Variants in TESK2 observed in about 807,000 individuals in gnomAD.
TESK2 encodes the protein dual specificity testis-specific protein kinase 2.
TESK2 carries 39 observed loss-of-function variants against 57.1 expected under a neutral mutation model. That is an observed-to-expected ratio of 0.68 (90% CI 0.53 to 0.89). The LOEUF (loss-of-function observed/expected upper bound fraction) is 0.89. Ranked by LOEUF, TESK2 falls within the 40% of genes least tolerant of loss-of-function variation. The pLI, the probability that TESK2 is intolerant of heterozygous loss-of-function variation, is 0.00. For synonymous variants in TESK2, 249 were observed against 267.9 expected, an observed-to-expected ratio of 0.93 and a Z score of 0.69; for missense variants, 646 against 732.1, an observed-to-expected ratio of 0.88 and a Z score of 1.36.
At chr1:45,354,804 AAAAAAAAAAAAATATATAT>A (rs1647339584) in intron 5 of TESK2, among the ~76,000 whole-genome samples, 3 of 68,786 alleles carry the variant, frequency 4.4e-5, no homozygotes, top group African/African-American at 1.3e-4. Flanking sequence ...AAAAAAAAAA[AAAAAAAAAAAAATATATAT>A]ATATATATAT....
At chr1:45,417,262 G>A (rs1414098126) in intron 3 of TESK2, among the ~76,000 whole-genome samples, 2 of 150,900 alleles carry the variant, frequency 1.3e-5, no homozygotes, top group Non-Finnish European at 3.0e-5. Context: ...AGACAGTTTC[G>A]CTCTTGTTGC....
chr1:45,481,296 C>A (rs1306312937), intron 1 of TESK2, among the ~76,000 whole-genome samples: 1 of 151,338 alleles, frequency 6.6e-6, no homozygotes, highest in Non-Finnish European at 1.5e-5. Context: ...ACCCAGGAGG[C>A]GGAGTTTGCA....
chr1:45,377,206 C>G (rs76179004), intron 4 of TESK2, among the ~76,000 whole-genome samples: 4,161 of 150,382 alleles, frequency 0.028, 73 homozygotes, highest in Non-Finnish European at 0.041. Flanking sequence ...GGTGACAGAG[C>G]AGCAAGACCT....
chr1:45,487,767 G>T (rs1046655682), intron 1 of TESK2, among the ~76,000 whole-genome samples: 10 of 152,174 alleles, frequency 6.6e-5, no homozygotes, highest in African/African-American at 2.4e-4. Flanking sequence ...TTTCTGTCCT[G>T]CAAGTTTCCA....
intron 1 of TESK2, among the ~76,000 whole-genome samples, chr1:45,484,050 T>A (rs1178620040): frequency 4.3e-4 from 65 of 151,134 alleles, no homozygotes; most frequent in African/African-American, 1.5e-3. Flanking sequence ...GGGGTTGGCT[T>A]CCCAACCCCT....
intron 3 of TESK2, chr1:45,415,261 A>G: frequency 1.4e-6 from 2 of 1,421,040 alleles, no homozygotes; most frequent in Non-Finnish European, 2.0e-6. Context: ...AGGCATGAAT[A>G]TTGTGGAGGC....
intron 3 of TESK2, among the ~76,000 whole-genome samples, chr1:45,410,852 G>A (rs1650014759): frequency 6.6e-6 from 1 of 151,806 alleles, no homozygotes; most frequent in South Asian, 2.1e-4. Context: ...CTTTGCAAAA[G>A]AGAAATCTGA....
chr1:45,468,377 C>T (rs917074018), intron 1 of TESK2, among the ~76,000 whole-genome samples: 1 of 152,122 alleles, frequency 6.6e-6, no homozygotes, highest in Non-Finnish European at 1.5e-5. Context: ...ATGCCTTCTG[C>T]TCCCTTGGCG....
At chr1:45,359,923 A>G (rs1000746435) in intron 4 of TESK2, among the ~76,000 whole-genome samples, 1 of 152,132 alleles carries the variant, frequency 6.6e-6, no homozygotes, top group Non-Finnish European at 1.5e-5. Flanking sequence ...TAAATGTCAT[A>G]TATTTTCTGA....
At chr1:45,439,018 C>T (rs1372202966) in intron 2 of TESK2, among the ~76,000 whole-genome samples, 1 of 151,958 alleles carries the variant, frequency 6.6e-6, no homozygotes, top group African/African-American at 2.4e-5. Context: ...GACACTGAGG[C>T]CACCGTAGAA....
At chr1:45,432,753 T>A in intron 2 of TESK2, among the ~76,000 whole-genome samples, 1 of 136,678 alleles carries the variant, frequency 7.3e-6, no homozygotes. Context: ...TATTGAATAT[T>A]ATAACTTTTT....
chr1:45,466,472 T>C (rs1338975866), intron 1 of TESK2, among the ~76,000 whole-genome samples: 4 of 151,068 alleles, frequency 2.6e-5, no homozygotes, highest in Non-Finnish European at 5.9e-5. Flanking sequence ...AGACTCCGTC[T>C]CAAAAAAAAC....
At chr1:45,481,908 G>C (rs188649808) in intron 1 of TESK2, among the ~76,000 whole-genome samples, 1 of 152,128 alleles carries the variant, frequency 6.6e-6, no homozygotes, top group African/African-American at 2.4e-5. Context: ...AAATGGAAAG[G>C]TGCAGTATTA....
intron 3 of TESK2, among the ~76,000 whole-genome samples, chr1:45,396,861 C>T (rs1426656943): frequency 7.1e-6 from 1 of 140,686 alleles, no homozygotes; most frequent in East Asian, 2.2e-4. Context: ...CTCTGTTGCC[C>T]AGGCTGGAGT....
chr1:45,346,095 GCT>G, intron 9 of TESK2, 101 bp from the exon 10 acceptor site: 1 of 907,138 alleles, frequency 1.1e-6, no homozygotes, highest in Admixed American at 1.9e-5. Flanking sequence ...CAGATGTGCA[GCT>G]GAGAGACCTT....
At chr1:45,375,423 C>CTT (rs34730448) in intron 4 of TESK2, among the ~76,000 whole-genome samples, 34,473 of 135,264 alleles carry the variant, frequency 0.25, 4,839 homozygotes, top group Admixed American at 0.38. Flanking sequence ...TTCCTTCACC[C>CTT]TTTTTTTTTT....
intron 3 of TESK2, among the ~76,000 whole-genome samples, chr1:45,386,591 T>C (rs1648907637): frequency 6.6e-6 from 1 of 152,076 alleles, no homozygotes; most frequent in Non-Finnish European, 1.5e-5. Context: ...GTTTTTTTAC[T>C]GGTGATTTCT....
At chr1:45,405,191 C>T (rs941342561) in intron 3 of TESK2, among the ~76,000 whole-genome samples, 11 of 152,034 alleles carry the variant, frequency 7.2e-5, no homozygotes, top group African/African-American at 2.7e-4. Flanking sequence ...TAAATTACTA[C>T]GAGGCACAAC....
intron 3 of TESK2, 136 bp from the exon 4 acceptor site, chr1:45,386,096 G>A (rs1557552214): frequency 7.1e-6 from 4 of 566,564 alleles, no homozygotes; most frequent in East Asian, 3.3e-5. Context: ...TGTAATCCCC[G>A]CACTTTAGGA....
Sources: allele counts gnomAD v4.1 joint callset (sites outside exome capture counted in the v4.1 genomes callset), GRCh38; gene constraint gnomAD v4.1.1; transcripts MANE v1.5; gene names NCBI Gene and HGNC (gene_info 2026-07-23, HGNC 2026-07-21).